Variants in MACROD1 observed in about 807,000 individuals in gnomAD.
The protein encoded by MACROD1 is mono-ADP ribosylhydrolase 1, also known as ADP-ribose glycohydrolase MACROD1.
A neutral mutation model predicts 41.4 loss-of-function variants in MACROD1; 31 were observed. That is an observed-to-expected ratio of 0.75 (90% CI 0.56 to 1.01). The LOEUF (loss-of-function observed/expected upper bound fraction) is 1.01. Ranked by LOEUF, MACROD1 falls within the 50% of genes least tolerant of loss-of-function variation. MACROD1 has a pLI of 0.00. For synonymous variants in MACROD1, 252 were observed against 203.4 expected (o/e 1.24, Z -2.03); for missense variants, 473 against 460.0 (o/e 1.03, Z -0.26).
intron 3 of MACROD1, among the ~76,000 whole-genome samples, chr11:64,026,005 A>G (rs1943219664): frequency 6.6e-6 from 1 of 151,972 alleles, no homozygotes; most frequent in South Asian, 2.1e-4. Context: ...ACATGGTGAA[A>G]CCCCGTCTCT....
intron 3 of MACROD1, among the ~76,000 whole-genome samples, chr11:64,139,875 GA>G (rs1464600732): frequency 6.6e-6 from 1 of 151,222 alleles, no homozygotes; most frequent in African/African-American, 2.4e-5. Flanking sequence ...AGAATAGCAT[GA>G]ACCTGGGAGG....
intron 4 of MACROD1, chr11:64,001,231 C>T (rs1016424537): frequency 6.7e-6 from 4 of 598,796 alleles, no homozygotes; most frequent in Admixed American, 2.9e-5. Context: ...GGGCTCACCC[C>T]TCATCGGCTG....
At chr11:64,001,863 AG>A in intron 4 of MACROD1, 1 of 673,820 alleles carries the variant, frequency 1.5e-6, no homozygotes, top group Non-Finnish European at 2.7e-6. Context: ...GGGCAACGTG[AG>A]TTCACATCCT....
intron 3 of MACROD1, among the ~76,000 whole-genome samples, chr11:64,040,836 G>T (rs1019946620): frequency 6.6e-6 from 1 of 152,098 alleles, no homozygotes; most frequent in Non-Finnish European, 1.5e-5. Flanking sequence ...GGACCCGGCT[G>T]TATGGGGCTC....
At chr11:64,129,563 G>A (rs1430055543) in intron 3 of MACROD1, among the ~76,000 whole-genome samples, 3 of 152,204 alleles carry the variant, frequency 2.0e-5, no homozygotes, top group Admixed American at 6.5e-5. Context: ...CCCAGGGATG[G>A]AGCCAGGTGC....
intron 3 of MACROD1, among the ~76,000 whole-genome samples, chr11:64,101,866 G>A (rs983898584): frequency 6.6e-6 from 1 of 151,990 alleles, no homozygotes; most frequent in Non-Finnish European, 1.5e-5. Flanking sequence ...AGGGCAGCTT[G>A]TCCCAAGAAA....
chr11:64,052,415 G>A (rs372257773), intron 3 of MACROD1, among the ~76,000 whole-genome samples: 7 of 152,186 alleles, frequency 4.6e-5, no homozygotes, highest in Non-Finnish European at 7.3e-5. Context: ...GGCCTCAAGC[G>A]ATCTTCCATC....
chr11:64,136,406 C>A (rs2875749), intron 3 of MACROD1, among the ~76,000 whole-genome samples: 25,014 of 152,228 alleles, frequency 0.16, 2,307 homozygotes, highest in Admixed American at 0.28. Context: ...TCATAGCCGC[C>A]TCTCAGGCCA....
chr11:64,085,470 A>G (rs984113669), intron 3 of MACROD1, among the ~76,000 whole-genome samples: 2 of 152,206 alleles, frequency 1.3e-5, no homozygotes, highest in African/African-American at 4.8e-5. Flanking sequence ...GGACCAGGCC[A>G]TGTGTCTGGG....
At chr11:64,128,644 G>A (rs1323213372) in intron 3 of MACROD1, among the ~76,000 whole-genome samples, 1 of 147,338 alleles carries the variant, frequency 6.8e-6, no homozygotes, top group Non-Finnish European at 1.5e-5. Context: ...TCAGACTCCA[G>A]CCTCAGTGCA....
At chr11:64,099,164 TGA>T (rs1164939301) in intron 3 of MACROD1, among the ~76,000 whole-genome samples, 2 of 152,166 alleles carry the variant, frequency 1.3e-5, no homozygotes, top group East Asian at 3.9e-4. Flanking sequence ...TGTCATAACA[TGA>T]GAGTACCCCA....
At chr11:64,134,077 G>A (rs574567079) in intron 3 of MACROD1, among the ~76,000 whole-genome samples, 1 of 152,318 alleles carries the variant, frequency 6.6e-6, no homozygotes, top group East Asian at 1.9e-4. Context: ...GGTAGGAGAG[G>A]GAATGAATGA....
intron 3 of MACROD1, among the ~76,000 whole-genome samples, chr11:64,040,300 A>G (rs960332901): frequency 6.6e-6 from 1 of 152,172 alleles, no homozygotes; most frequent in African/African-American, 2.4e-5. Context: ...GGGGGTGCTT[A>G]AGACATGAAG....
intron 1 of MACROD1, among the ~76,000 whole-genome samples, chr11:64,162,349 A>C (rs557164356): frequency 3.3e-5 from 5 of 151,996 alleles, no homozygotes; most frequent in African/African-American, 1.2e-4. Context: ...AAAGAAAAAA[A>C]AAAATTAGTT....
At chr11:64,152,037 G>C (rs985535561) in intron 2 of MACROD1, among the ~76,000 whole-genome samples, 11 of 152,210 alleles carry the variant, frequency 7.2e-5, no homozygotes, top group African/African-American at 1.4e-4. Context: ...GCTGAGGCAG[G>C]AGAATCGCTT....
intron 3 of MACROD1, among the ~76,000 whole-genome samples, chr11:64,076,769 C>A (rs932311287): frequency 1.3e-5 from 2 of 152,316 alleles, no homozygotes; most frequent in African/African-American, 2.4e-5. Context: ...GTTGGCAGAG[C>A]TAGCTAAGGT....
At chr11:64,079,107 G>A (rs1944258786) in intron 3 of MACROD1, among the ~76,000 whole-genome samples, 1 of 151,688 alleles carries the variant, frequency 6.6e-6, no homozygotes, top group Non-Finnish European at 1.5e-5. Context: ...AAGAGATGGT[G>A]CAGTGGGGGG....
At chr11:64,147,875 T>C (rs1201946718) in intron 3 of MACROD1, among the ~76,000 whole-genome samples, 1 of 151,530 alleles carries the variant, frequency 6.6e-6, no homozygotes, top group Non-Finnish European at 1.5e-5. Context: ...CCTGAGTAGC[T>C]GGGATTATAG....
At chr11:64,148,326 G>T (rs1240768901) in intron 3 of MACROD1, among the ~76,000 whole-genome samples, 1 of 152,114 alleles carries the variant, frequency 6.6e-6, no homozygotes, top group Admixed American at 6.6e-5. Flanking sequence ...CATCCCTGCA[G>T]CTGGACCCAA....
Sources: allele counts gnomAD v4.1 joint callset (sites outside exome capture counted in the v4.1 genomes callset), GRCh38; gene constraint gnomAD v4.1.1; transcripts MANE v1.5; gene names NCBI Gene and HGNC (gene_info 2026-07-23, HGNC 2026-07-21).